The following TBCD variants were observed in gnomAD, a reference collection of about 807,000 sequenced individuals.
TBCD encodes the protein tubulin folding cofactor D.
In TBCD, 105 loss-of-function variants were observed where a neutral mutation model predicts 169.3. That is an observed-to-expected ratio of 0.62 (90% CI 0.53 to 0.73). The LOEUF (loss-of-function observed/expected upper bound fraction) is 0.73. TBCD is among the 30% of genes least tolerant of loss of function. The pLI is 0.00. For missense variants in TBCD, 1,444 were observed against 1,600.1 expected, an observed-to-expected ratio of 0.90 and a Z score of 1.66; for synonymous variants, 700 against 643.9, an observed-to-expected ratio of 1.09 and a Z score of -1.32.
Position 82,832,998 on chromosome 17 carries a change from C to T in TBCD, c.1318+18064C>T, listed in dbSNP as rs1482671811. 6.6e-6 allele frequency among the ~76,000 whole-genome samples: 1 copy of T among 152,168 alleles called. No homozygotes were observed. Among genetic ancestry groups the T allele is most frequent in the Non-Finnish European group, 1.5e-5 (1 of 68,036 alleles). On this transcript the variant is annotated intron_variant, in intron 13 of 38. Coordinates refer to ENST00000355528, the MANE Select transcript of TBCD (RefSeq NM_005993.5). The surrounding 1 kb of genome is among the most constrained non-coding windows in gnomAD (Gnocchi z 4.9). ...TGGACCTTTCCTCGAAAGCGCCCTG[C>T]CGGGGGCTGAGGACACCGAGCCCCC...
chr17:82,910,791 C>G (rs964194731), intron 22 of TBCD, among the ~76,000 whole-genome samples: 1 of 152,176 alleles, frequency 6.6e-6, no homozygotes, highest in Non-Finnish European at 1.5e-5. Context: ...GTCTTGCACT[C>G]CTGACCTGAA....
chr17:82,868,992 C>T (rs1268776379), intron 13 of TBCD, among the ~76,000 whole-genome samples: 2 of 149,900 alleles, frequency 1.3e-5, no homozygotes, highest in African/African-American at 2.5e-5. Context: ...CTGGCGTGTG[C>T]GTGGAGCGGG....
At position 82,909,303 on chromosome 17, in the gene TBCD, T is replaced by C; in HGVS notation, c.2002T>C (p.Tyr668His). Reference sequence around the variant, plus strand: ...TTTTCAGCTCTATGATCGTCAGTTATACAGGTGAGCTTTACAAAACCAAAG... The same window carrying C: ...TTTTCAGCTCTATGATCGTCAGTTACACAGGTGAGCTTTACAAAACCAAAG... ...IHQQLYDRQLYRGLGGQLMRQ... is the reference protein window; with the variant it reads ...IHQQLYDRQLHRGLGGQLMRQ... The change falls in exon 22 of 39, where the codon TAC (tyrosine) becomes CAC (histidine). Residue 668 changes from tyrosine (Y) to histidine (H), a missense_variant. Physicochemically the swap from Tyr to His is moderately conservative, Grantham distance 83. Coordinates refer to ENST00000355528, the MANE Select transcript of TBCD (RefSeq NM_005993.5). 9 of 1,524,190 alleles carry C rather than the reference T, an allele frequency of 5.9e-6. No individual in the cohort carries two copies. Among genetic ancestry groups the C allele is most frequent in the South Asian group, 1.2e-5 (1 of 82,282 alleles). 94.4% of individuals were successfully genotyped at this position (1,524,190 alleles called of 1,614,324 possible).
chr17:82,776,846 C>T (rs2048629411), intron 6 of TBCD, among the ~76,000 whole-genome samples: 1 of 152,102 alleles, frequency 6.6e-6, no homozygotes, highest in Admixed American at 6.6e-5. Context: ...CCCAGGAACA[C>T]CCCACCCCCA....
chr17:82,897,608 G>T (rs56081422), intron 17 of TBCD, among the ~76,000 whole-genome samples: 16,060 of 152,202 alleles, frequency 0.11, 1,142 homozygotes, highest in South Asian at 0.29. Context: ...TTCAATATGG[G>T]TTTAAGTGTG....
chr17:82,910,731 AATTTTTGT>A (rs2060578732), intron 22 of TBCD, among the ~76,000 whole-genome samples: 1 of 151,884 alleles, frequency 6.6e-6, no homozygotes, highest in Admixed American at 6.6e-5. Flanking sequence ...ATGCCCACCT[AATTTTTGT>A]ATTTTTAGGA....
chr17:82,793,605 A>C (rs938791202), intron 7 of TBCD, among the ~76,000 whole-genome samples: 1 of 152,112 alleles, frequency 6.6e-6, no homozygotes, highest in African/African-American at 2.4e-5. Flanking sequence ...CATGGGTTTC[A>C]CTGCCCTCCA....
chr17:82,870,458 G>A (rs1195458936), intron 14 of TBCD, 78 bp downstream of exon 14: 1 of 1,512,332 alleles, frequency 6.6e-7, no homozygotes, highest in Non-Finnish European at 8.9e-7. Context: ...CATGAGAGGT[G>A]TGCACAGCAG....
chr17:82,780,702 T>C (rs1160690932), intron 6 of TBCD, among the ~76,000 whole-genome samples: 3 of 134,516 alleles, frequency 2.2e-5, no homozygotes, highest in African/African-American at 8.4e-5. Flanking sequence ...TGGAGTGCAG[T>C]GGCACAATCT....
chr17:82,760,709 A>T (rs959534410), intron 2 of TBCD, among the ~76,000 whole-genome samples: 3 of 152,248 alleles, frequency 2.0e-5, no homozygotes, highest in Non-Finnish European at 2.9e-5. Flanking sequence ...TTAGTGTATT[A>T]CAGAGTTGTG....
chr17:82,808,462 G>T (rs1345509875), intron 11 of TBCD, among the ~76,000 whole-genome samples: 2 of 145,850 alleles, frequency 1.4e-5, no homozygotes, highest in Non-Finnish European at 3.0e-5. Context: ...CCCCTGCTGT[G>T]GAGGGGACGA....
At chr17:82,859,483 A>G (rs1319557609) in intron 13 of TBCD, 19 of 925,732 alleles carry the variant, frequency 2.1e-5, no homozygotes, top group African/African-American at 3.6e-5. Flanking sequence ...TCCTCCCTAC[A>G]CTCACACACT....
intron 13 of TBCD, among the ~76,000 whole-genome samples, chr17:82,863,305 G>T (rs900035885): frequency 2.6e-5 from 4 of 152,196 alleles, no homozygotes; most frequent in Non-Finnish European, 5.9e-5. Context: ...TGTGCTGTGT[G>T]CCTGGAACCT....
chr17:82,941,340 C>A, intron 37 of TBCD, 59 bp from the exon 38 acceptor site: 1 of 1,456,658 alleles, frequency 6.9e-7, no homozygotes, highest in Non-Finnish European at 9.3e-7. Context: ...GGGACCTCCG[C>A]ACACCTGAGG....
rs756398967 is a variant in TBCD, at chr17:82,831,872, G to T, written c.1318+16938G>T. ...GGAGTGTGGAAGGCCGACTTGGTGT[G>T]GAAAGACACGGCCTTGGCAGTGGGG... On this transcript the variant is annotated intron_variant, in intron 13 of 38. Transcript: ENST00000355528. This position sits in a 1 kb window ranked among gnomAD's most constrained non-coding sequence, Gnocchi z 4.6. The T allele has an allele frequency of 1.2e-6, 2 of 1,614,216 alleles. No homozygotes were observed. The highest frequency in any genetic ancestry group is 2.2e-5 in the South Asian group (2 of 91,084).
At chr17:82,859,452 G>A (rs151173804) in intron 13 of TBCD, 92,068 of 717,578 alleles carry the variant, frequency 0.13, 6,868 homozygotes, top group South Asian at 0.28. Flanking sequence ...CTCGTGGGTC[G>A]TCTGGCCTGC....
In TBCD at chr17:82,932,694, G is replaced by C; in HGVS notation, c.3150G>C (p.Val1050=). 6.2e-7 allele frequency: 1 copy of C among 1,613,840 alleles called. No individual in the cohort carries two copies. Among genetic ancestry groups the C allele is most frequent in the Non-Finnish European group, 8.5e-7 (1 of 1,179,872 alleles). ...SVPLLKTLDH[V]LTHGCFDIFT... is the part of the protein sequence containing the mutation. Reference sequence around the variant, plus strand: ...CGCTGCTGAAGACGCTGGACCACGTGCTCACCCACGGCTGCTTCGACATCT... The same window carrying C: ...CGCTGCTGAAGACGCTGGACCACGTCCTCACCCACGGCTGCTTCGACATCT... The change falls in exon 34 of 39, where the codon GTG becomes GTC. Residue 1050 remains valine, a synonymous_variant. Transcript: ENST00000355528.
chr17:82,903,781 A>C lies in TBCD; in HGVS notation c.1804+303A>C, dbSNP rs908328328. Among the ~76,000 whole-genome samples, 15 of 150,952 alleles carry C rather than the reference A, an allele frequency of 9.9e-5. No individual in the cohort carries two copies. The highest frequency in any genetic ancestry group is 3.4e-4 in the African/African-American group (14 of 40,934). On this transcript the variant is annotated intron_variant, in intron 19 of 38. Coordinates refer to ENST00000355528, the MANE Select transcript of TBCD (RefSeq NM_005993.5). This position sits in a 1 kb window ranked among gnomAD's most constrained non-coding sequence, Gnocchi z 4.8. Reference sequence around the variant, plus strand: ...GGTCTCTAGGTGGCTCGCACCTGCCACACGACACTCCCTGGTCTCTAGGTG... The same window carrying C: ...GGTCTCTAGGTGGCTCGCACCTGCCCCACGACACTCCCTGGTCTCTAGGTG...
chr17:82,802,379 G>A (rs575288171), intron 9 of TBCD, among the ~76,000 whole-genome samples: 2 of 152,272 alleles, frequency 1.3e-5, no homozygotes, highest in African/African-American at 4.8e-5. Context: ...TTGCAGTGTT[G>A]GGTGTGCAGC....
Sources: gnomAD v4.1 joint callset for allele counts (sites outside exome capture counted in the v4.1 genomes callset) on GRCh38, gnomAD v4.1.1 for gene constraint, Gnocchi (gnomAD v3.1) non-coding constraint, MANE v1.5 for transcripts, NCBI Gene and HGNC (gene_info 2026-07-23, HGNC 2026-07-21) for gene names.